Variants in NFYB observed in about 807,000 individuals in gnomAD.
NFYB encodes nuclear transcription factor Y subunit beta.
In NFYB, 13 loss-of-function variants were observed where a neutral mutation model predicts 28.0. That is an observed-to-expected ratio of 0.46 (90% CI 0.30 to 0.74). The LOEUF (loss-of-function observed/expected upper bound fraction) is 0.74. Ranked by LOEUF, NFYB falls within the 30% of genes least tolerant of loss-of-function variation. The probability of loss-of-function intolerance (pLI) is 0.07; values close to 1 mark genes in which losing one functional copy is unlikely to be tolerated. For missense variants in NFYB, 142 were observed against 247.6 expected (o/e 0.57, Z 2.86); for synonymous variants, 74 against 75.0 (o/e 0.99, Z 0.07).
At chr12:104,132,948 G>T (rs766899267) in intron 2 of NFYB, among the ~76,000 whole-genome samples, 7 of 152,322 alleles carry the variant, frequency 4.6e-5, no homozygotes, top group African/African-American at 9.6e-5. Flanking sequence ...TGGACAAAGA[G>T]TGGTTAAATC....
intron 2 of NFYB, chr12:104,128,752 C>A: frequency 4.8e-6 from 1 of 208,070 alleles, no homozygotes; most frequent in Non-Finnish European, 9.7e-6. Flanking sequence ...CTGCAGAATC[C>A]ACCTCCCAGG....
intron 2 of NFYB, chr12:104,131,103 T>C (rs1387496954): frequency 6.6e-6 from 1 of 152,224 alleles, no homozygotes; most frequent in African/African-American, 2.4e-5. Context: ...AGGAAAAAAG[T>C]TTAAATCATA....
chr12:104,127,097 A>G (rs1270682556), intron 3 of NFYB, among the ~76,000 whole-genome samples: 1 of 152,202 alleles, frequency 6.6e-6, no homozygotes, highest in Non-Finnish European at 1.5e-5. Flanking sequence ...GTATCCTGTA[A>G]GTAAACTGCC....
intron 5 of NFYB, among the ~76,000 whole-genome samples, chr12:104,122,266 T>C (rs1256750667): frequency 6.6e-6 from 1 of 152,218 alleles, no homozygotes; most frequent in Non-Finnish European, 1.5e-5. Context: ...CCACAGAATT[T>C]GCATGTGGCA....
intron 7 of NFYB, 48 bp from the exon 8 acceptor site, chr12:104,119,817 A>G: frequency 3.2e-6 from 4 of 1,254,028 alleles, no homozygotes; most frequent in Middle Eastern, 1.9e-4. Flanking sequence ...AAAGGAGATT[A>G]AAAGTACCAT....
intron 2 of NFYB, among the ~76,000 whole-genome samples, chr12:104,132,634 C>G (rs2030966553): frequency 6.6e-6 from 1 of 152,140 alleles, no homozygotes; most frequent in African/African-American, 2.4e-5. Context: ...GATAGAGATA[C>G]AGGAAGACCA....
chr12:104,120,572 A>G (rs1165636549), intron 6 of NFYB, 93 bp from the exon 7 acceptor site: 16 of 834,140 alleles, frequency 1.9e-5, no homozygotes, highest in African/African-American at 3.4e-5. Context: ...TCTCATTACA[A>G]TTCTGCCCGG....
chr12:104,134,396 A>G (rs1038887493), intron 2 of NFYB, among the ~76,000 whole-genome samples: 4 of 152,204 alleles, frequency 2.6e-5, no homozygotes, highest in African/African-American at 7.2e-5. Context: ...CTGTAATTCT[A>G]CTAAGAAGAA....
At chr12:104,137,468 C>A (rs919261056) in intron 1 of NFYB, 39 of 152,332 alleles carry the variant, frequency 2.6e-4, no homozygotes, top group Admixed American at 2.5e-3. Context: ...ATGCCTTCCT[C>A]CCCACGCAGG....
intron 7 of NFYB, 48 bp downstream of exon 7, chr12:104,120,352 G>A (rs1348508563): frequency 2.6e-6 from 4 of 1,513,702 alleles, no homozygotes; most frequent in Non-Finnish European, 3.7e-6. Flanking sequence ...ATGGGGCCCT[G>A]TCGATACAAT....
rs1593621994 is a variant in NFYB at position 104,118,398 on chromosome 12, G to A, written c.*1339C>T. On this transcript the variant is annotated 3_prime_UTR_variant, in exon 8 of 8. Transcript: ENST00000240055. ...ACATATACTCCTAAAGGCTCCTTCT[G>A]GCAAAGTAAATGTTTCTGTTCAGCC... 1 of 152,580 alleles carries A rather than the reference G, an allele frequency of 6.6e-6. No individual in the cohort carries two copies. The highest frequency in any genetic ancestry group is 1.9e-4 in the East Asian group (1 of 5,174). 9.5% of individuals were successfully genotyped at this position (152,580 alleles called of 1,614,324 possible). A position where few individuals can be genotyped will look rare whatever the true frequency, so the allele number is the denominator to read the frequency against.
chr12:104,125,876 G>C (rs1053838928), intron 4 of NFYB, among the ~76,000 whole-genome samples: 2 of 134,550 alleles, frequency 1.5e-5, no homozygotes, highest in Non-Finnish European at 3.2e-5. Flanking sequence ...AAAAAAAACA[G>C]TCTAAATTCT....
intron 1 of NFYB, chr12:104,137,846 C>A (rs926610095): frequency 6.8e-6 from 1 of 147,126 alleles, no homozygotes; most frequent in African/African-American, 2.4e-5. Flanking sequence ...CGGCCCCGGG[C>A]CCGGAGCTCA....
chr12:104,132,281 G>A (rs1220080716), intron 2 of NFYB, among the ~76,000 whole-genome samples: 1 of 152,128 alleles, frequency 6.6e-6, no homozygotes, highest in African/African-American at 2.4e-5. Context: ...AATGTTCTAG[G>A]CAGAGAAAAC....
intron 1 of NFYB, among the ~76,000 whole-genome samples, chr12:104,136,946 T>G (rs2031123052): frequency 6.6e-6 from 1 of 152,220 alleles, no homozygotes; most frequent in South Asian, 2.1e-4. Context: ...AATCCTTAAA[T>G]TAAGATACAA....
At chr12:104,122,189 G>T (rs922053387) in intron 5 of NFYB, among the ~76,000 whole-genome samples, 1 of 152,060 alleles carries the variant, frequency 6.6e-6, no homozygotes, top group Non-Finnish European at 1.5e-5. Flanking sequence ...TATGATATAG[G>T]TACTATTAGC....
intron 6 of NFYB, 96 bp downstream of exon 6, chr12:104,121,144 C>T (rs962574746): frequency 2.0e-6 from 2 of 977,032 alleles, no homozygotes; most frequent in African/African-American, 3.2e-5. Flanking sequence ...AGTGCTTTGT[C>T]AAAATACTCA....
chr12:104,135,854 T>C (rs1207396562), intron 1 of NFYB, among the ~76,000 whole-genome samples: 1 of 152,152 alleles, frequency 6.6e-6, no homozygotes, highest in Non-Finnish European at 1.5e-5. Flanking sequence ...AGGGACCAAA[T>C]TATATAATAT....
intron 2 of NFYB, among the ~76,000 whole-genome samples, chr12:104,132,632 T>C (rs906033494): frequency 6.6e-6 from 1 of 152,064 alleles, no homozygotes; most frequent in African/African-American, 2.4e-5. Flanking sequence ...CTGATAGAGA[T>C]ACAGGAAGAC....
Sources: gnomAD v4.1 joint callset for allele counts (sites outside exome capture counted in the v4.1 genomes callset) on GRCh38, gnomAD v4.1.1 for gene constraint, MANE v1.5 for transcripts, NCBI Gene and HGNC (gene_info 2026-07-23, HGNC 2026-07-21) for gene names.